Variants in TMEM132D observed in about 807,000 individuals in gnomAD.
The protein encoded by TMEM132D is transmembrane protein 132D, also known as mature OL transmembrane protein.
In TMEM132D, 21 loss-of-function variants were observed where a neutral mutation model predicts 62.3. The ratio of observed to expected loss-of-function variants is 0.34; its 90% CI spans 0.24 to 0.49. TMEM132D has a LOEUF of 0.49. Among genes scored for constraint, TMEM132D ranks in the 20% least tolerant of loss-of-function variants. The pLI, the probability that TMEM132D is intolerant of heterozygous loss-of-function variation, is 0.99. For synonymous variants in TMEM132D, 621 were observed against 575.6 expected (o/e 1.08, Z -1.13); for missense variants, 1,346 against 1,402.8 (o/e 0.96, Z 0.65).
At chr12:129,815,482 G>C (rs1173127871) in intron 1 of TMEM132D, among the ~76,000 whole-genome samples, 1 of 152,174 alleles carries the variant, frequency 6.6e-6, no homozygotes, top group African/African-American at 2.4e-5. Context: ...GCTATTCTGG[G>C]GGGGTGACTG....
chr12:129,666,254 T>C (rs1880378303), intron 2 of TMEM132D, among the ~76,000 whole-genome samples: 1 of 152,190 alleles, frequency 6.6e-6, no homozygotes, highest in African/African-American at 2.4e-5. Flanking sequence ...ATTAAGAAAC[T>C]GGCAAATGAA....
chr12:129,842,755 G>C (rs1873237368), intron 1 of TMEM132D, among the ~76,000 whole-genome samples: 1 of 152,170 alleles, frequency 6.6e-6, no homozygotes, highest in Non-Finnish European at 1.5e-5. Context: ...AGGCGAGGGA[G>C]AGATTCCTGC....
At chr12:129,876,988 T>C (rs10847963) in intron 1 of TMEM132D, among the ~76,000 whole-genome samples, 18,002 of 152,074 alleles carry the variant, frequency 0.12, 1,750 homozygotes, top group East Asian at 0.58. Context: ...CAAACTGTTG[T>C]TATGAGCGTG....
chr12:129,743,294 C>T (rs1031446220), intron 1 of TMEM132D, among the ~76,000 whole-genome samples: 2 of 152,214 alleles, frequency 1.3e-5, no homozygotes, highest in African/African-American at 4.8e-5. Context: ...CCATACTCCC[C>T]ACGTGCTGTG....
chr12:129,585,974 C>T (rs754688995), intron 2 of TMEM132D, among the ~76,000 whole-genome samples: 23 of 152,002 alleles, frequency 1.5e-4, no homozygotes, highest in Non-Finnish European at 2.9e-4. Context: ...TCAAAATGCA[C>T]TGCAGAATTG....
chr12:129,409,353 C>T lies in TMEM132D; in HGVS notation c.1116-71536G>A, dbSNP rs549533789. Among the ~76,000 whole-genome samples, 1,038 of 152,298 alleles carry T rather than the reference C, an allele frequency of 6.8e-3. 14 individuals carry two copies. Among genetic ancestry groups the T allele is most frequent in the African/African-American group, 0.022 (933 of 41,550 alleles). ...CTAAGGTAAAAATCTGTGTGTCGGACACTCACACAACACTACATTCCCTTA... is the reference window on the plus strand; with the variant it reads ...CTAAGGTAAAAATCTGTGTGTCGGATACTCACACAACACTACATTCCCTTA... On this transcript the variant is annotated intron_variant, in intron 3 of 8. Transcript: ENST00000422113.
chr12:129,540,696 A>T (rs564893330), intron 2 of TMEM132D, among the ~76,000 whole-genome samples: 1 of 152,318 alleles, frequency 6.6e-6, no homozygotes, highest in South Asian at 2.1e-4. Flanking sequence ...TATGCTGGCC[A>T]GGCTGGTCTC....
intron 3 of TMEM132D, among the ~76,000 whole-genome samples, chr12:129,420,306 G>T (rs1346325280): frequency 1.3e-3 from 147 of 112,216 alleles, no homozygotes; most frequent in Middle Eastern, 4.7e-3. Flanking sequence ...CACGTTCTCT[G>T]TTTTTTTTTT....
chr12:129,332,307 T>C (rs2135652368), intron 4 of TMEM132D, among the ~76,000 whole-genome samples: 1 of 152,096 alleles, frequency 6.6e-6, no homozygotes, highest in South Asian at 2.1e-4. Context: ...CTAAAAAGTT[T>C]CAAGACCCTA....
At chr12:129,797,546 C>A (rs1027477621) in intron 1 of TMEM132D, among the ~76,000 whole-genome samples, 2 of 152,134 alleles carry the variant, frequency 1.3e-5, no homozygotes, top group Non-Finnish European at 2.9e-5. Flanking sequence ...TGGAGGGGCT[C>A]TGGGTTGGGA....
Position 129,517,153 on chromosome 12 carries a change from G to A in TMEM132D, c.1115+13906C>T, listed in dbSNP as rs529596829. The stretch of plus-strand genomic sequence containing the variant: ...AGGCATATTTGGGGTGAGGGTGAGG[G>A]TGGGAGTGGGAGTGGGAGGTATTAT... On this transcript the variant is annotated intron_variant, in intron 3 of 8. Coordinates refer to ENST00000422113, the MANE Select transcript of TMEM132D (RefSeq NM_133448.3). Among the ~76,000 whole-genome samples, 66 of 152,248 alleles carry A rather than the reference G, an allele frequency of 4.3e-4. 1 individual carries two copies. The South Asian group carries it at 0.011, about 26-fold the overall frequency.
At chr12:129,412,479 T>C (rs1373971593) in intron 3 of TMEM132D, among the ~76,000 whole-genome samples, 1 of 147,710 alleles carries the variant, frequency 6.8e-6, no homozygotes, top group Admixed American at 6.9e-5. Context: ...ACTGGGAATT[T>C]TGAAAACATT....
intron 2 of TMEM132D, among the ~76,000 whole-genome samples, chr12:129,599,227 C>A (rs1265415146): frequency 1.3e-5 from 2 of 152,198 alleles, no homozygotes; most frequent in Non-Finnish European, 2.9e-5. Context: ...TTTTATGAAC[C>A]AATAAATTCC....
chr12:129,342,578 A>G (rs1432909311), intron 3 of TMEM132D, among the ~76,000 whole-genome samples: 1 of 152,212 alleles, frequency 6.6e-6, no homozygotes, highest in African/African-American at 2.4e-5. Context: ...GACAAATGGG[A>G]TCTAATTAAA....
chr12:129,848,301 G>T (rs4421782), intron 1 of TMEM132D, among the ~76,000 whole-genome samples: 42,383 of 152,112 alleles, frequency 0.28, 6,113 homozygotes, highest in East Asian at 0.59. Context: ...AGATTTCCAG[G>T]GCATATGGTC....
chr12:129,528,207 T>C lies in TMEM132D; in HGVS notation c.1115+2852A>G, dbSNP rs1876109483. ...TATTATTAAAACATCTACTCTATAA[T>C]CCATTTTCCAATTATCCTTAAGAAA... On this transcript the variant is annotated intron_variant, in intron 3 of 8. Transcript: ENST00000422113. 2.0e-5 allele frequency among the ~76,000 whole-genome samples: 3 copies of C among 152,158 alleles called. No individual in the cohort carries two copies. In the South Asian group the frequency reaches 6.2e-4, roughly 32 times the overall value.
chr12:129,456,397 A>G (rs538894751), intron 3 of TMEM132D, among the ~76,000 whole-genome samples: 11 of 152,258 alleles, frequency 7.2e-5, no homozygotes, highest in Admixed American at 3.9e-4. Context: ...TTGAGTCTCT[A>G]GTTCTCCCAC....
chr12:129,135,199 C>T (rs1364872493), intron 5 of TMEM132D, among the ~76,000 whole-genome samples: 1 of 152,054 alleles, frequency 6.6e-6, no homozygotes, highest in Non-Finnish European at 1.5e-5. Context: ...ATCAGGTAAC[C>T]CCAGAGACAA....
intron 1 of TMEM132D, among the ~76,000 whole-genome samples, chr12:129,824,951 T>C (rs2137328234): frequency 6.6e-6 from 1 of 152,286 alleles, no homozygotes; most frequent in East Asian, 1.9e-4. Context: ...TTGTTTGCTA[T>C]TGATCTTTAA....
Sources: gnomAD v4.1 joint callset for allele counts (sites outside exome capture counted in the v4.1 genomes callset) on GRCh38, gnomAD v4.1.1 for gene constraint, MANE v1.5 for transcripts, NCBI Gene and HGNC (gene_info 2026-07-23, HGNC 2026-07-21) for gene names.